The following DLC1 variants were observed in gnomAD, a reference collection of about 807,000 sequenced individuals.
DLC1 encodes rho GTPase-activating protein 7.
DLC1 carries 54 observed loss-of-function variants against 140.3 expected under a neutral mutation model. That is an observed-to-expected ratio of 0.38 (90% CI 0.31 to 0.48). The LOEUF is 0.48. DLC1 is among the 20% of genes least tolerant of loss of function. The pLI is 0.96. For missense variants in DLC1, 2,536 were observed against 1,907.0 expected, an observed-to-expected ratio of 1.33 and a Z score of -6.14; for synonymous variants, 986 against 728.1, an observed-to-expected ratio of 1.35 and a Z score of -5.70.
At chr8:13,279,792 G>C (rs554486139) in intron 5 of DLC1, among the ~76,000 whole-genome samples, 2 of 152,230 alleles carry the variant, frequency 1.3e-5, no homozygotes, top group Non-Finnish European at 1.5e-5. Context: ...CACAGAAAAG[G>C]TGCTGCTTAG....
intron 2 of DLC1, among the ~76,000 whole-genome samples, chr8:13,447,056 T>C (rs1023771598): frequency 6.6e-6 from 1 of 152,180 alleles, no homozygotes; most frequent in Admixed American, 6.5e-5. Flanking sequence ...TTTCTTGTGA[T>C]TTTTAAAAAT....
chr8:13,404,718 C>T (rs1428045955), intron 2 of DLC1, among the ~76,000 whole-genome samples: 1 of 151,910 alleles, frequency 6.6e-6, no homozygotes, highest in East Asian at 1.9e-4. Flanking sequence ...TACTTCTGGG[C>T]CAGGCATGGT....
At chr8:13,361,905 A>G (rs1273865026) in intron 4 of DLC1, among the ~76,000 whole-genome samples, 2 of 152,200 alleles carry the variant, frequency 1.3e-5, no homozygotes, top group Admixed American at 1.3e-4. Flanking sequence ...CTAAATAGTG[A>G]TCTGAATGCT....
At position 13,287,249 on chromosome 8, in the gene DLC1, C is replaced by G. The variant is rs186268677; in HGVS notation, c.1348+18020G>C. On this transcript the variant is annotated intron_variant, in intron 5 of 17. Coordinates refer to ENST00000276297, the MANE Select transcript of DLC1 (RefSeq NM_182643.3). ...AGTGTGGCCAATTCAATGTATGGCTCGTCAGGGTCTAGACAGATGGTCAGA... is the reference window on the plus strand; with the variant it reads ...AGTGTGGCCAATTCAATGTATGGCTGGTCAGGGTCTAGACAGATGGTCAGA... 3.1e-3 allele frequency among the ~76,000 whole-genome samples: 466 copies of G among 152,124 alleles called. 6 individuals carry two copies. Among genetic ancestry groups the G allele is most frequent in the African/African-American group, 0.011 (453 of 41,506 alleles).
At chr8:13,425,030 C>G (rs901277621) in intron 2 of DLC1, among the ~76,000 whole-genome samples, 1 of 151,290 alleles carries the variant, frequency 6.6e-6, no homozygotes, top group African/African-American at 2.4e-5. Context: ...ACTTTTTTTT[C>G]ACATGCCATG....
Position 13,500,192 on chromosome 8 carries a change from A to T in DLC1, c.-121T>A, listed in dbSNP as rs1801745367. 2.3e-6 allele frequency: 2 copies of T among 886,320 alleles called. No individual in the cohort carries two copies. Among genetic ancestry groups the T allele is most frequent in the East Asian group, 5.1e-5 (2 of 39,366 alleles). 54.9% of individuals were successfully genotyped at this position (886,320 alleles called of 1,614,324 possible). ...AGAAGCGAATGAGTTCTGTCATTTC[A>T]CCACCTATTAAAAAATTCAAAAAAA... On this transcript the variant is annotated 5_prime_UTR_variant, in exon 2 of 18. The change abolishes the stop of an existing upstream ORF in the 5' untranslated region. Coordinates refer to ENST00000276297, the MANE Select transcript of DLC1 (RefSeq NM_182643.3).
chr8:13,099,333 A>G lies in DLC1; in HGVS notation c.2990+14T>C. Reference sequence around the variant, plus strand: ...CCAGTGCCCCACACCCGGAGGCAGGAGAAAAGTTCTTACCTGTTGGACCTG... The same window carrying G: ...CCAGTGCCCCACACCCGGAGGCAGGGGAAAAGTTCTTACCTGTTGGACCTG... On this transcript the variant is annotated intron_variant, in intron 9 of 17. Coordinates refer to ENST00000276297, the MANE Select transcript of DLC1 (RefSeq NM_182643.3). 6.2e-7 allele frequency: 1 copy of G among 1,606,518 alleles called. No individual in the cohort carries two copies. Among genetic ancestry groups the G allele is most frequent in the Non-Finnish European group, 8.5e-7 (1 of 1,176,292 alleles).
intron 5 of DLC1, among the ~76,000 whole-genome samples, chr8:13,126,556 C>T (rs1327158287): frequency 1.3e-5 from 2 of 152,160 alleles, no homozygotes; most frequent in East Asian, 3.8e-4. Flanking sequence ...CTAATTAATA[C>T]AGTTTTAAAG....
chr8:13,537,815 G>A (rs1470898034), intron 1 of DLC1, among the ~76,000 whole-genome samples: 2 of 151,720 alleles, frequency 1.3e-5, no homozygotes, highest in Admixed American at 1.3e-4. Flanking sequence ...CACCATGCCC[G>A]CCTAATTTTT....
intron 15 of DLC1, among the ~76,000 whole-genome samples, chr8:13,089,506 C>T (rs2410024): frequency 0.28 from 42,036 of 151,202 alleles, 6,896 homozygotes; most frequent in East Asian, 0.54. Flanking sequence ...GCACCTGTAG[C>T]GCCAGCTACT....
rs186563855 is a variant in DLC1 at position 13,555,645 on chromosome 8, C to G, written c.-126+48892G>C. 3.4e-4 allele frequency among the ~76,000 whole-genome samples: 52 copies of G among 151,738 alleles called. 1 individual carries two copies. Among genetic ancestry groups the G allele is most frequent in the Admixed American group, 2.8e-3 (42 of 15,270 alleles). On this transcript the variant is annotated intron_variant, in intron 1 of 1. Coordinates refer to the DLC1 transcript ENST00000631382. ...TAGCTGAGACTACAGGTGCCCGCCA[C>G]CATGCCTAGCTATTATTTTTTTTTT...
chr8:13,085,979 G>C (rs1585556207), intron 17 of DLC1, 48 bp from the exon 18 acceptor site: 1 of 1,600,292 alleles, frequency 6.2e-7, no homozygotes, highest in Admixed American at 1.7e-5. Flanking sequence ...AAGTTAGAAA[G>C]CATGGAAATA....
rs138048228 is a variant in DLC1 at position 13,480,834 on chromosome 8, G to A, written c.1023+18215C>T. Among the ~76,000 whole-genome samples, 846 of 152,250 alleles carry A rather than the reference G, an allele frequency of 5.6e-3. 5 individuals carry two copies. The highest frequency in any genetic ancestry group is 0.019 in the African/African-American group (790 of 41,534). On this transcript the variant is annotated intron_variant, in intron 2 of 17. Transcript: ENST00000276297. ...CAGGAGAATCGCTTGAGCTTGGGAG[G>A]TAGAGGTTGCAGTCAGCTGAGATCA...
chr8:13,381,369 C>T (rs7837580), intron 4 of DLC1, among the ~76,000 whole-genome samples: 71,791 of 152,060 alleles, frequency 0.47, 17,566 homozygotes, highest in African/African-American at 0.59. Context: ...TTAAGGAGAT[C>T]ACAGGTGTGG....
chr8:13,128,553 C>T (rs1334142399), intron 5 of DLC1, among the ~76,000 whole-genome samples: 1 of 152,226 alleles, frequency 6.6e-6, no homozygotes, highest in East Asian at 1.9e-4. Flanking sequence ...TATGGGCTTG[C>T]TGGACGCGGT....
intron 5 of DLC1, among the ~76,000 whole-genome samples, chr8:13,246,610 C>A (rs1021208539): frequency 4.0e-5 from 6 of 151,624 alleles, no homozygotes; most frequent in Non-Finnish European, 5.9e-5. Context: ...TGCAGTTTCT[C>A]ATCAGGTTCA....
intron 1 of DLC1, among the ~76,000 whole-genome samples, chr8:13,527,600 A>G (rs1003616248): frequency 1.3e-5 from 2 of 152,132 alleles, no homozygotes; most frequent in Non-Finnish European, 2.9e-5. Flanking sequence ...AGAACCTACT[A>G]TGGATGATTT....
At chr8:13,515,572 G>A (rs1477298070), upstream of DLC1, 2 of 152,174 alleles carry the variant, frequency 1.3e-5, no homozygotes, top group African/African-American at 4.8e-5. Context: ...CTTCCATCTA[G>A]CATGGCAGCG....
At chr8:13,145,554 G>C (rs746474390) in intron 5 of DLC1, among the ~76,000 whole-genome samples, 98 of 152,098 alleles carry the variant, frequency 6.4e-4, no homozygotes, top group Non-Finnish European at 5.9e-4. Context: ...TGTTTCTTTA[G>C]AGAAACTCCA....
Sources: allele counts gnomAD v4.1 joint callset (sites outside exome capture counted in the v4.1 genomes callset), GRCh38; gene constraint gnomAD v4.1.1; transcripts MANE v1.5; gene names NCBI Gene and HGNC (gene_info 2026-07-23, HGNC 2026-07-21).